ELL: variants seen among roughly 807,000 people sequenced by gnomAD.
ELL encodes elongation factor for RNA polymerase II, also known as RNA polymerase II elongation factor ELL.
Under a neutral mutation model 64.0 loss-of-function variants are expected in ELL, and 18 were observed. That is an observed-to-expected ratio of 0.28 (90% CI 0.19 to 0.42). The LOEUF (loss-of-function observed/expected upper bound fraction) is 0.42, where lower values mean the gene tolerates loss of function less well. Ranked by LOEUF, ELL falls within the 10% of genes least tolerant of loss-of-function variation. ELL has a pLI of 1.00. For missense variants in ELL, 797 were observed against 870.4 expected (o/e 0.92, Z 1.06); for synonymous variants, 399 against 376.2 (o/e 1.06, Z -0.70).
chr19:18,509,622 C>G (rs1183603837), intron 1 of ELL, among the ~76,000 whole-genome samples: 1 of 145,410 alleles, frequency 6.9e-6, no homozygotes, highest in Non-Finnish European at 1.5e-5. Flanking sequence ...CACACACACA[C>G]ACACACACAC....
intron 1 of ELL, among the ~76,000 whole-genome samples, chr19:18,494,322 G>A (rs1010614078): frequency 2.6e-5 from 4 of 152,102 alleles, no homozygotes; most frequent in African/African-American, 4.8e-5. Context: ...GGATGTAGAC[G>A]GTGCCAGCCA....
chr19:18,466,876 C>T (rs574521228), intron 2 of ELL, among the ~76,000 whole-genome samples: 7 of 152,322 alleles, frequency 4.6e-5, no homozygotes, highest in African/African-American at 1.4e-4. Flanking sequence ...AGCCCCGTCT[C>T]CTCCTCTGTG....
chr19:18,463,261 T>C (rs1053031941), intron 4 of ELL, among the ~76,000 whole-genome samples: 1 of 151,370 alleles, frequency 6.6e-6, no homozygotes, highest in Non-Finnish European at 1.5e-5. Context: ...GCCAGGCTGA[T>C]TGACAGGGAG....
rs989648398 is a variant in ELL, at chr19:18,465,318, G to A, written c.469+94C>T. On this transcript the variant is annotated intron_variant, in intron 4 of 11. Transcript: ENST00000262809. ...GGTTGACCCATCATTTCTGTGCAGG[G>A]CACAGCCAGTGCCCAGCCTGGACAG... is the stretch of plus-strand genomic sequence containing the variant. 14 of 1,472,672 alleles carry A rather than the reference G, an allele frequency of 9.5e-6. No individual in the cohort carries two copies. In the Admixed American group the frequency reaches 2.8e-4, roughly 30 times the overall value. 91.2% of individuals were successfully genotyped at this position (1,472,672 alleles called of 1,614,324 possible). A position where few individuals can be genotyped will look rare whatever the true frequency, so the allele number is the denominator to read the frequency against.
chr19:18,487,262 G>A (rs1444257656), intron 1 of ELL, among the ~76,000 whole-genome samples: 1 of 152,190 alleles, frequency 6.6e-6, no homozygotes, highest in Non-Finnish European at 1.5e-5. Context: ...CAGAGAGTAG[G>A]GTCACCCCTC....
rs1181324192 is a variant in ELL, at chr19:18,501,182, C to A, written c.135+20739G>T. 6.6e-6 allele frequency among the ~76,000 whole-genome samples: 1 copy of A among 152,076 alleles called. No individual in the cohort carries two copies. The highest frequency in any genetic ancestry group is 1.5e-5 in the Non-Finnish European group (1 of 68,030). ...ACACCTCCAGGGGCCACGTAGACAACCTGTGACACAGTGAACCCCACTCCA... is the reference window on the plus strand; with the variant it reads ...ACACCTCCAGGGGCCACGTAGACAAACTGTGACACAGTGAACCCCACTCCA... On this transcript the variant is annotated intron_variant, in intron 1 of 11. Transcript: ENST00000262809. This position sits in a 1 kb window ranked among gnomAD's most constrained non-coding sequence, Gnocchi z 4.5.
Position 18,501,115 on chromosome 19 carries a change from C to A in ELL, c.135+20806G>T, listed in dbSNP as rs1236259709. Among the ~76,000 whole-genome samples the A allele has an allele frequency of 1.3e-5, 2 of 152,102 alleles. No homozygotes were observed. The highest frequency in any genetic ancestry group is 4.8e-5 in the African/African-American group (2 of 41,414). On this transcript the variant is annotated intron_variant, in intron 1 of 11. Transcript: ENST00000262809. This position sits in a 1 kb window ranked among gnomAD's most constrained non-coding sequence, Gnocchi z 4.5. ...ACCCAGGAGAAGAACGAGCGGGCCACGACACTGTTCTCGCCAGCTATGCCT... is the reference window on the plus strand; with the variant it reads ...ACCCAGGAGAAGAACGAGCGGGCCAAGACACTGTTCTCGCCAGCTATGCCT...
chr19:18,482,134 C>T (rs938853603), intron 1 of ELL, among the ~76,000 whole-genome samples: 2 of 152,028 alleles, frequency 1.3e-5, no homozygotes, highest in Non-Finnish European at 2.9e-5. Flanking sequence ...CATCTTTTTA[C>T]AGGCTAATGT....
rs1974362103 is a variant in ELL at position 18,444,290 on chromosome 19, G to A, written c.*462C>T. The A allele has an allele frequency of 1.3e-5, 3 of 236,818 alleles. No homozygotes were observed. In the East Asian group the frequency reaches 1.8e-4, roughly 14 times the overall value. The allele number at this position is 236,818 out of a possible 1,614,324, so 14.7% of individuals were successfully genotyped here. A position where few individuals can be genotyped will look rare whatever the true frequency, so the allele number is the denominator to read the frequency against. On this transcript the variant is annotated 3_prime_UTR_variant, in exon 12 of 12. Transcript: ENST00000262809. Reference sequence around the variant, plus strand: ...ACGACCTCTGTAATACTGCAGGCAGGACCCAGGGCAGCGGCTAGACCCTGG... The same window carrying A: ...ACGACCTCTGTAATACTGCAGGCAGAACCCAGGGCAGCGGCTAGACCCTGG...
intron 1 of ELL, among the ~76,000 whole-genome samples, chr19:18,473,431 G>A (rs1975105633): frequency 6.6e-6 from 1 of 152,224 alleles, no homozygotes; most frequent in Non-Finnish European, 1.5e-5. Context: ...CCAGGTGGGT[G>A]AGCACTGTCT....
Position 18,522,001 on chromosome 19 carries a change from C to A in ELL, c.55G>T (p.Asp19Tyr). ...TGGAACACCGACACCTTGCTGCCGT[C>A]GCTAACCCGCCCGCACGACAGCCCG... ...SYGLSCGRVSDGSKVSVFHVK... is the reference protein window; with the variant it reads ...SYGLSCGRVSYGSKVSVFHVK... Residue 19 changes from aspartate (D) to tyrosine (Y), a missense_variant, in exon 1 of 12, where the codon GAC (aspartate) becomes TAC (tyrosine). Physicochemically the swap from Asp to Tyr is radical, Grantham distance 160. Coordinates refer to ENST00000262809, the MANE Select transcript of ELL (RefSeq NM_006532.4). 1.2e-6 allele frequency: 2 copies of A among 1,611,390 alleles called. No homozygotes were observed. Among genetic ancestry groups the A allele is most frequent in the Non-Finnish European group, 1.7e-6 (2 of 1,178,848 alleles).
At chr19:18,476,588 G>T (rs1390856916) in intron 1 of ELL, among the ~76,000 whole-genome samples, 1 of 151,818 alleles carries the variant, frequency 6.6e-6, no homozygotes, top group African/African-American at 2.4e-5. Context: ...TTCTTGCCAA[G>T]TCGCTTATCC....
intron 1 of ELL, among the ~76,000 whole-genome samples, chr19:18,494,050 C>G (rs1397891315): frequency 6.6e-6 from 1 of 152,202 alleles, no homozygotes; most frequent in Non-Finnish European, 1.5e-5. Context: ...CCAGGTCTTT[C>G]TCCCTTATTC....
chr19:18,467,583 A>T (rs1440644316), intron 2 of ELL, among the ~76,000 whole-genome samples: 2 of 150,826 alleles, frequency 1.3e-5, no homozygotes, highest in Non-Finnish European at 3.0e-5. Flanking sequence ...GCCTCTGATG[A>T]TTCACCCTCG....
At chr19:18,506,301 G>A (rs960178496) in intron 1 of ELL, among the ~76,000 whole-genome samples, 3 of 152,234 alleles carry the variant, frequency 2.0e-5, no homozygotes, top group South Asian at 2.1e-4. Context: ...CTCAAGGTGC[G>A]CCTGCTCCTA....
intron 8 of ELL, 49 bp from the exon 9 acceptor site, chr19:18,446,863 C>T (rs2303693): frequency 0.14 from 221,254 of 1,601,988 alleles, 15,919 homozygotes; most frequent in South Asian, 0.21. Flanking sequence ...TGGCACCGGT[C>T]GGCAGGAAGC....
intron 1 of ELL, among the ~76,000 whole-genome samples, chr19:18,509,591 GCGCACATACACACACACACACACA>G (rs1259183133): frequency 0.03 from 3,697 of 121,780 alleles, 184 homozygotes; most frequent in Middle Eastern, 0.055. Context: ...GTGCGCGCGC[GCGCACATACACACACACACACACA>G]CACACACACA....
chr19:18,482,553 ATC>A (rs1975324679), intron 1 of ELL, among the ~76,000 whole-genome samples: 1 of 151,678 alleles, frequency 6.6e-6, no homozygotes, highest in South Asian at 2.1e-4. Context: ...GGCCAGGCTG[ATC>A]TCAAACTCCT....
intron 1 of ELL, among the ~76,000 whole-genome samples, chr19:18,476,862 C>A (rs1975187487): frequency 6.6e-6 from 1 of 152,196 alleles, no homozygotes; most frequent in Non-Finnish European, 1.5e-5. Context: ...AGGACGCACC[C>A]AGCCATTAAC....
Sources: gnomAD v4.1 joint callset for allele counts (sites outside exome capture counted in the v4.1 genomes callset) on GRCh38, gnomAD v4.1.1 for gene constraint, Gnocchi (gnomAD v3.1) non-coding constraint, MANE v1.5 for transcripts, NCBI Gene and HGNC (gene_info 2026-07-23, HGNC 2026-07-21) for gene names.